PRORP: variants seen among roughly 807,000 people sequenced by gnomAD.
PRORP encodes the protein protein only RNase P catalytic subunit, also known as mitochondrial ribonuclease P catalytic subunit.
Under a neutral mutation model 59.4 loss-of-function variants are expected in PRORP, and 51 were observed. The ratio of observed to expected loss-of-function variants is 0.86; its 90% CI spans 0.69 to 1.08. PRORP has a LOEUF of 1.08. Among genes scored for constraint, PRORP ranks in the 50% least tolerant of loss-of-function variants. The probability of loss-of-function intolerance (pLI) is 0.00; values close to 1 mark genes in which losing one functional copy is unlikely to be tolerated. For synonymous variants in PRORP, 231 were observed against 245.6 expected (o/e 0.94, Z 0.55); for missense variants, 646 against 690.3 (o/e 0.94, Z 0.72).
intron 5 of PRORP, among the ~76,000 whole-genome samples, chr14:35,191,304 G>A (rs866390631): frequency 3.3e-5 from 5 of 152,118 alleles, no homozygotes; most frequent in Non-Finnish European, 7.3e-5. Context: ...CATGTAAGAC[G>A]TGCCTTTTAC....
intron 5 of PRORP, among the ~76,000 whole-genome samples, chr14:35,190,488 A>T (rs533475447): frequency 6.6e-6 from 1 of 151,920 alleles, no homozygotes; most frequent in South Asian, 2.1e-4. Context: ...CTATGACTAA[A>T]TTTATTTTAT....
intron 5 of PRORP, among the ~76,000 whole-genome samples, chr14:35,253,740 G>A (rs528777578): frequency 6.6e-6 from 1 of 152,148 alleles, no homozygotes; most frequent in South Asian, 2.1e-4. Context: ...GTACATAGCT[G>A]CTCCCTCCTT....
At chr14:35,239,506 G>A (rs1055779814) in intron 5 of PRORP, among the ~76,000 whole-genome samples, 1 of 152,166 alleles carries the variant, frequency 6.6e-6, no homozygotes, top group African/African-American at 2.4e-5. Flanking sequence ...ATAATTAAGA[G>A]TTTATTAGAT....
At chr14:35,134,191 T>C (rs1018497045) in intron 4 of PRORP, among the ~76,000 whole-genome samples, 3 of 152,122 alleles carry the variant, frequency 2.0e-5, no homozygotes, top group African/African-American at 7.2e-5. Context: ...ATTCAAATGA[T>C]AAGACACAGT....
At chr14:35,134,493 G>A (rs1459375180) in intron 4 of PRORP, among the ~76,000 whole-genome samples, 1 of 152,192 alleles carries the variant, frequency 6.6e-6, no homozygotes, top group African/African-American at 2.4e-5. Flanking sequence ...GGGCTCTTCA[G>A]TTAGCAGGTG....
At chr14:35,187,951 A>T (rs1388730740) in intron 5 of PRORP, among the ~76,000 whole-genome samples, 2 of 148,432 alleles carry the variant, frequency 1.3e-5, no homozygotes, top group Non-Finnish European at 3.0e-5. Flanking sequence ...CCTGGGTGCA[A>T]GCGATTTTCC....
intron 5 of PRORP, chr14:35,235,072 G>A (rs1804885936): frequency 4.9e-6 from 2 of 409,030 alleles, no homozygotes. Flanking sequence ...CTCTTTCAAT[G>A]TTACCAGTAA....
At chr14:35,220,479 G>A (rs963954669) in intron 5 of PRORP, among the ~76,000 whole-genome samples, 6 of 152,188 alleles carry the variant, frequency 3.9e-5, no homozygotes, top group South Asian at 2.1e-4. Flanking sequence ...ATTCTGACAC[G>A]GCATTATAGG....
chr14:35,201,854 C>CA (rs1202383918), intron 5 of PRORP, among the ~76,000 whole-genome samples: 1 of 151,960 alleles, frequency 6.6e-6, no homozygotes, highest in African/African-American at 2.4e-5. Context: ...GATGGGGTTT[C>CA]ACTGTGTTGG....
At chr14:35,122,715 C>G (rs1268968897) in intron 1 of PRORP, 80 bp downstream of exon 1, 11 of 156,620 alleles carry the variant, frequency 7.0e-5, no homozygotes, top group Admixed American at 3.7e-4. Context: ...CCACCTCCTC[C>G]CTCCTCGTCC....
intron 5 of PRORP, among the ~76,000 whole-genome samples, chr14:35,237,231 C>T (rs2050245472): frequency 6.6e-6 from 1 of 151,770 alleles, no homozygotes; most frequent in South Asian, 2.1e-4. Flanking sequence ...TAGCTGGGAC[C>T]ACAGACGTGC....
At chr14:35,129,156 C>T (rs979379224) in intron 4 of PRORP, among the ~76,000 whole-genome samples, 8 of 151,726 alleles carry the variant, frequency 5.3e-5, no homozygotes, top group Non-Finnish European at 1.2e-4. Context: ...TGAAGTGAGC[C>T]GAGATCACGC....
chr14:35,252,961 C>T (rs552864811), intron 5 of PRORP, among the ~76,000 whole-genome samples: 1 of 152,278 alleles, frequency 6.6e-6, no homozygotes, highest in South Asian at 2.1e-4. Context: ...CCCATATCTT[C>T]AGCCTCTACC....
chr14:35,266,522 GA>G (rs2051046779), intron 5 of PRORP, among the ~76,000 whole-genome samples: 1 of 152,078 alleles, frequency 6.6e-6, no homozygotes, highest in Non-Finnish European at 1.5e-5. Flanking sequence ...AATGTAGCCT[GA>G]CCAGCAGGCA....
chr14:35,224,029 CCTTT>C (rs1305098001), intron 5 of PRORP, among the ~76,000 whole-genome samples: 1 of 152,100 alleles, frequency 6.6e-6, no homozygotes, highest in Non-Finnish European at 1.5e-5. Flanking sequence ...GTGATATATT[CCTTT>C]CTTTCTCTCT....
chr14:35,162,445 T>A (rs2048084006), intron 4 of PRORP, among the ~76,000 whole-genome samples: 1 of 152,126 alleles, frequency 6.6e-6, no homozygotes, highest in African/African-American at 2.4e-5. Flanking sequence ...ACAATTTTCT[T>A]GGAGTGTGGT....
intron 5 of PRORP, chr14:35,235,335 T>G: frequency 1.4e-6 from 1 of 701,890 alleles, no homozygotes; most frequent in Non-Finnish European, 2.6e-6. Context: ...TTAGCCAAAG[T>G]GTCTTTGTCT....
At chr14:35,236,601 C>A (rs569126991) in intron 5 of PRORP, among the ~76,000 whole-genome samples, 1 of 152,282 alleles carries the variant, frequency 6.6e-6, no homozygotes, top group East Asian at 1.9e-4. Flanking sequence ...TTTATAGATT[C>A]CTTTCTTCTT....
chr14:35,160,947 T>C (rs1274551088), intron 4 of PRORP, among the ~76,000 whole-genome samples: 1 of 152,212 alleles, frequency 6.6e-6, no homozygotes, highest in African/African-American at 2.4e-5. Flanking sequence ...ACAAGCTAAA[T>C]GGTCTTTTTG....
Sources: gnomAD v4.1 joint callset for allele counts (sites outside exome capture counted in the v4.1 genomes callset) on GRCh38, gnomAD v4.1.1 for gene constraint, MANE v1.5 for transcripts, NCBI Gene and HGNC (gene_info 2026-07-23, HGNC 2026-07-21) for gene names.